Variants in RBFOX1 observed in about 807,000 individuals in gnomAD.
RBFOX1 encodes RNA binding fox-1 homolog 1.
RBFOX1 carries 8 observed loss-of-function variants against 57.7 expected under a neutral mutation model. That is an observed-to-expected ratio of 0.14 (90% CI 0.08 to 0.25). The LOEUF (loss-of-function observed/expected upper bound fraction) is 0.25. Among genes scored for constraint, RBFOX1 ranks in the 10% least tolerant of loss-of-function variants. The pLI, the probability that RBFOX1 is intolerant of heterozygous loss-of-function variation, is 1.00. For synonymous variants in RBFOX1, 326 were observed against 222.4 expected (o/e 1.47, Z -4.15); for missense variants, 611 against 548.5 (o/e 1.11, Z -1.14).
At chr16:6,456,755 C>G (rs934397184) in intron 2 of RBFOX1, among the ~76,000 whole-genome samples, 1 of 152,022 alleles carries the variant, frequency 6.6e-6, no homozygotes, top group Non-Finnish European at 1.5e-5. Flanking sequence ...AGACACAGAG[C>G]AAGATAAACT....
intron 3 of RBFOX1, among the ~76,000 whole-genome samples, chr16:5,856,151 T>TTCTCTCTC (rs35841072): frequency 9.6e-4 from 39 of 40,420 alleles, no homozygotes; most frequent in Admixed American, 1.9e-3. Context: ...GTCTTTATGG[T>TTCTCTCTC]TCTCTCTCTC....
chr16:7,072,336 G>A (rs75389518), intron 4 of RBFOX1, among the ~76,000 whole-genome samples: 1,543 of 152,040 alleles, frequency 0.01, 31 homozygotes, highest in African/African-American at 0.035. Flanking sequence ...CCTTCCTTAC[G>A]CTTACCCACA....
At chr16:7,176,933 T>G (rs2081785874) in intron 4 of RBFOX1, among the ~76,000 whole-genome samples, 1 of 152,188 alleles carries the variant, frequency 6.6e-6, no homozygotes, top group Admixed American at 6.5e-5. Flanking sequence ...AATCTCAGAA[T>G]AGAATTTTAT....
intron 14 of RBFOX1, among the ~76,000 whole-genome samples, chr16:7,688,468 C>T (rs772572323): frequency 1.3e-5 from 2 of 151,960 alleles, no homozygotes; most frequent in Non-Finnish European, 2.9e-5. Flanking sequence ...GTCCCACCTG[C>T]CCGCACCAAA....
At chr16:5,728,027 A>G (rs983138975) in intron 3 of RBFOX1, among the ~76,000 whole-genome samples, 6 of 152,146 alleles carry the variant, frequency 3.9e-5, no homozygotes, top group African/African-American at 1.4e-4. Flanking sequence ...TTAGATTCTA[A>G]ATATAAGTGA....
intron 1 of RBFOX1, among the ~76,000 whole-genome samples, chr16:5,275,712 A>G (rs531268817): frequency 2.6e-4 from 39 of 152,352 alleles, no homozygotes; most frequent in African/African-American, 9.1e-4. Flanking sequence ...GAAGTATAAA[A>G]GAGTCTGCAT....
intron 4 of RBFOX1, chr16:7,422,809 T>G (rs532854142): frequency 6.6e-6 from 1 of 152,302 alleles, no homozygotes; most frequent in African/African-American, 2.4e-5. Flanking sequence ...GAAACCTGCT[T>G]GTTGGATTAT....
At chr16:7,294,878 T>C (rs1486157317) in intron 4 of RBFOX1, among the ~76,000 whole-genome samples, 1 of 152,176 alleles carries the variant, frequency 6.6e-6, no homozygotes, top group Non-Finnish European at 1.5e-5. Context: ...CTCATTTTGT[T>C]CAACAGACCA....
In RBFOX1 at chr16:5,525,595, G is replaced by A. The variant is rs568919922; in HGVS notation, c.258+58341G>A. On this transcript the variant is annotated intron_variant, in intron 2 of 2. Coordinates refer to the RBFOX1 transcript ENST00000585867. Reference sequence around the variant, plus strand: ...TCACTGCATTCTCCACCTCTCAGGTGAAAGCAATTCTCCTGCCTCAGCCTA... The same window carrying A: ...TCACTGCATTCTCCACCTCTCAGGTAAAAGCAATTCTCCTGCCTCAGCCTA... 2.9e-4 allele frequency among the ~76,000 whole-genome samples: 43 copies of A among 148,936 alleles called. No homozygotes were observed. In the South Asian group the frequency reaches 3.8e-3, roughly 13 times the overall value.
Position 6,097,794 on chromosome 16 carries a change from C to A in RBFOX1, c.-127+77802C>A, listed in dbSNP as rs1196016461. ...TTTTTTCTTACCACCCTCCAAAATT[C>A]TTATTTATTTATTTTCTATCACCGT... On this transcript the variant is annotated intron_variant, in intron 1 of 15. Coordinates refer to ENST00000550418, the MANE Select transcript of RBFOX1 (RefSeq NM_018723.4). The surrounding 1 kb of genome is among the most constrained non-coding windows in gnomAD (Gnocchi z 5.0). Among the ~76,000 whole-genome samples the A allele has an allele frequency of 9.4e-5, 14 of 148,852 alleles. No individual in the cohort carries two copies. The highest frequency in any genetic ancestry group is 6.7e-4 in the Admixed American group (10 of 14,950).
chr16:7,055,327 C>CAAGCTAAGAGTTATGGAA (rs2051775180), intron 4 of RBFOX1, among the ~76,000 whole-genome samples: 4 of 151,900 alleles, frequency 2.6e-5, no homozygotes, highest in African/African-American at 9.7e-5. Flanking sequence ...GAGTTATAGA[C>CAAGCTAAGAGTTATGGAA]AAGCTAAGAG....
At chr16:7,350,573 G>C (rs573729234) in intron 4 of RBFOX1, among the ~76,000 whole-genome samples, 1 of 152,256 alleles carries the variant, frequency 6.6e-6, no homozygotes, top group South Asian at 2.1e-4. Context: ...GAGGAGGATG[G>C]ACAAATAATC....
chr16:6,235,554 A>ATGTGTGTG (rs1269038495), intron 1 of RBFOX1, among the ~76,000 whole-genome samples: 4 of 78,246 alleles, frequency 5.1e-5, no homozygotes, highest in African/African-American at 1.6e-4. Context: ...GTGTGCGTGT[A>ATGTGTGTG]TGTATGTGTG....
At chr16:7,007,294 A>C (rs988332263) in intron 3 of RBFOX1, among the ~76,000 whole-genome samples, 1 of 152,202 alleles carries the variant, frequency 6.6e-6, no homozygotes, top group Non-Finnish European at 1.5e-5. Context: ...ACTCATAGTC[A>C]GCAATGGTAC....
At chr16:5,899,663 A>G (rs538233314) in intron 4 of RBFOX1, among the ~76,000 whole-genome samples, 2 of 152,264 alleles carry the variant, frequency 1.3e-5, no homozygotes, top group Admixed American at 1.3e-4. Context: ...TGGGTGGTGC[A>G]TTATCAAAGC....
chr16:7,356,484 C>T (rs1355646621), intron 4 of RBFOX1, among the ~76,000 whole-genome samples: 1 of 151,720 alleles, frequency 6.6e-6, no homozygotes, highest in African/African-American at 2.4e-5. Flanking sequence ...ATGGCCAGGG[C>T]CTTGTGATGG....
intron 4 of RBFOX1, among the ~76,000 whole-genome samples, chr16:7,468,359 C>G (rs755264742): frequency 7.2e-5 from 11 of 152,022 alleles, no homozygotes; most frequent in Non-Finnish European, 4.4e-5. Context: ...GCGTGTATCC[C>G]GATTAGATTG....
At chr16:5,596,696 C>T (rs922338562) in intron 2 of RBFOX1, among the ~76,000 whole-genome samples, 15 of 152,116 alleles carry the variant, frequency 9.9e-5, no homozygotes, top group African/African-American at 3.6e-4. Flanking sequence ...TTTTCTTGGT[C>T]CATCTATAAA....
intron 2 of RBFOX1, among the ~76,000 whole-genome samples, chr16:6,630,750 A>C (rs1567958106): frequency 6.6e-6 from 1 of 152,132 alleles, no homozygotes; most frequent in African/African-American, 2.4e-5. Context: ...TATGATGAAA[A>C]TACCATGAGA....
Sources: gnomAD v4.1 joint callset for allele counts (sites outside exome capture counted in the v4.1 genomes callset) on GRCh38, gnomAD v4.1.1 for gene constraint, Gnocchi (gnomAD v3.1) non-coding constraint, MANE v1.5 for transcripts, NCBI Gene and HGNC (gene_info 2026-07-23, HGNC 2026-07-21) for gene names.